Variants in PTPRC observed in about 807,000 individuals in gnomAD.
PTPRC encodes the protein receptor-type tyrosine-protein phosphatase C.
PTPRC carries 44 observed loss-of-function variants against 155.9 expected under a neutral mutation model. The observed-to-expected ratio is 0.28, with a 90% CI of 0.22 to 0.36. The LOEUF (loss-of-function observed/expected upper bound fraction) is 0.36. Among genes scored for constraint, PTPRC ranks in the 10% least tolerant of loss-of-function variants. The pLI, the probability that PTPRC is intolerant of heterozygous loss-of-function variation, is 1.00. For synonymous variants in PTPRC, 525 were observed against 533.1 expected, an observed-to-expected ratio of 0.98 and a Z score of 0.21; for missense variants, 1,401 against 1,564.6, an observed-to-expected ratio of 0.90 and a Z score of 1.76.
Position 198,654,160 on chromosome 1 carries a change from A to G in PTPRC, c.73+14819A>G, listed in dbSNP as rs546060142. 2.6e-5 allele frequency among the ~76,000 whole-genome samples: 4 copies of G among 152,054 alleles called. No homozygotes were observed. The South Asian group carries it at 6.2e-4, about 24-fold the overall frequency. On this transcript the variant is annotated intron_variant, in intron 2 of 32. Transcript: ENST00000442510. ...ATGCATTTTAAAATCCTTACAAAAAAATATTAAGAGTAACTCTAAAATGTA... is the reference window on the plus strand; with the variant it reads ...ATGCATTTTAAAATCCTTACAAAAAGATATTAAGAGTAACTCTAAAATGTA...
intron 12 of PTPRC, among the ~76,000 whole-genome samples, chr1:198,715,997 C>T (rs1433787061): frequency 6.6e-6 from 1 of 152,174 alleles, no homozygotes; most frequent in Non-Finnish European, 1.5e-5. Context: ...TCCTACCTCT[C>T]ATATGCCTCC....
At chr1:198,669,959 GAAAATTAA>G in intron 2 of PTPRC, among the ~76,000 whole-genome samples, 1 of 152,234 alleles carries the variant, frequency 6.6e-6, no homozygotes, top group Non-Finnish European at 1.5e-5. Context: ...CCTTAGTAAA[GAAAATTAA>G]TACTAATTTT....
At chr1:198,687,021 T>G (rs562974609) in intron 2 of PTPRC, among the ~76,000 whole-genome samples, 1 of 150,432 alleles carries the variant, frequency 6.6e-6, no homozygotes, top group Non-Finnish European at 1.5e-5. Context: ...TGTTGTTGTT[T>G]TTGAGTCAGG....
chr1:198,644,537 G>A (rs1019467322), intron 2 of PTPRC, among the ~76,000 whole-genome samples: 1 of 151,770 alleles, frequency 6.6e-6, no homozygotes, highest in Admixed American at 6.6e-5. Flanking sequence ...ATGTCAGTGT[G>A]CTACTTCAAT....
At chr1:198,711,961 C>T (rs752408647) in intron 11 of PTPRC, among the ~76,000 whole-genome samples, 3 of 152,150 alleles carry the variant, frequency 2.0e-5, no homozygotes, top group Non-Finnish European at 4.4e-5. Context: ...CTTAAGAATA[C>T]GGATACTACT....
At chr1:198,730,582 G>A (rs956939845) in intron 17 of PTPRC, among the ~76,000 whole-genome samples, 4 of 152,106 alleles carry the variant, frequency 2.6e-5, no homozygotes, top group African/African-American at 9.7e-5. Flanking sequence ...ATAAACACCT[G>A]AGCAGAACAG....
At chr1:198,675,344 A>T (rs1664892027) in intron 2 of PTPRC, among the ~76,000 whole-genome samples, 1 of 152,162 alleles carries the variant, frequency 6.6e-6, no homozygotes, top group Non-Finnish European at 1.5e-5. Context: ...AAAAATTCCC[A>T]AAACTTTCTC....
intron 18 of PTPRC, 150 bp from the exon 19 acceptor site, chr1:198,732,150 A>T (rs750235566): frequency 2.2e-5 from 15 of 679,582 alleles, no homozygotes; most frequent in Non-Finnish European, 3.6e-5. Flanking sequence ...ATAATTCCTG[A>T]TCTTAATTTT....
intron 31 of PTPRC, among the ~76,000 whole-genome samples, chr1:198,753,195 T>C (rs1270273196): frequency 2.6e-5 from 4 of 152,046 alleles, no homozygotes; most frequent in Non-Finnish European, 2.9e-5. Flanking sequence ...ACAAAGTTTA[T>C]TAAACATATT....
intron 2 of PTPRC, among the ~76,000 whole-genome samples, chr1:198,673,059 T>C (rs1419889603): frequency 1.3e-5 from 2 of 152,198 alleles, no homozygotes; most frequent in East Asian, 3.8e-4. Flanking sequence ...TTTTTCTTTC[T>C]GAAATGTACT....
intron 14 of PTPRC, among the ~76,000 whole-genome samples, chr1:198,718,935 T>G (rs1653739380): frequency 6.6e-6 from 1 of 152,182 alleles, no homozygotes; most frequent in Non-Finnish European, 1.5e-5. Flanking sequence ...TTAACTACTA[T>G]GTAGTTTTTA....
intron 2 of PTPRC, among the ~76,000 whole-genome samples, chr1:198,651,917 A>G (rs887001410): frequency 6.6e-6 from 1 of 151,830 alleles, no homozygotes; most frequent in Non-Finnish European, 1.5e-5. Context: ...ACACCAGGCT[A>G]TTCAGCCTCA....
intron 2 of PTPRC, among the ~76,000 whole-genome samples, chr1:198,663,034 A>G (rs1264814329): frequency 6.6e-6 from 1 of 152,176 alleles, no homozygotes; most frequent in Non-Finnish European, 1.5e-5. Flanking sequence ...GAGATTGAGC[A>G]TCTGTGTTGT....
At chr1:198,707,170 A>G (rs1454870021) in intron 9 of PTPRC, among the ~76,000 whole-genome samples, 1 of 152,142 alleles carries the variant, frequency 6.6e-6, no homozygotes, top group Non-Finnish European at 1.5e-5. Context: ...CACCACTTCT[A>G]CTTATTTAAC....
intron 26 of PTPRC, 83 bp downstream of exon 26, chr1:198,744,286 T>G (rs1655042914): frequency 6.8e-6 from 9 of 1,330,272 alleles, no homozygotes; most frequent in Non-Finnish European, 9.5e-6. Context: ...GCTATGCACT[T>G]GACATAGTGC....
chr1:198,658,050 T>C (rs777493242), intron 2 of PTPRC, among the ~76,000 whole-genome samples: 8 of 152,284 alleles, frequency 5.3e-5, no homozygotes, highest in Non-Finnish European at 1.2e-4. Context: ...ATTTCAGCCA[T>C]CCTACATGCC....
intron 2 of PTPRC, chr1:198,680,102 G>T (rs1379254651): frequency 2.4e-6 from 1 of 416,616 alleles, no homozygotes; most frequent in Non-Finnish European, 4.3e-6. Context: ...AGGCGCAGCG[G>T]CGACTCGGCA....
intron 2 of PTPRC, among the ~76,000 whole-genome samples, chr1:198,680,618 A>C (rs971581893): frequency 2.6e-5 from 4 of 152,122 alleles, no homozygotes; most frequent in Non-Finnish European, 5.9e-5. Context: ...TTTTACAAGC[A>C]GATCAATGTG....
At chr1:198,729,012 T>A (rs1157721171) in intron 16 of PTPRC, 125 bp from the exon 17 acceptor site, 2 of 1,057,786 alleles carry the variant, frequency 1.9e-6, no homozygotes, top group Non-Finnish European at 2.7e-6. Context: ...TCTCCTCTCT[T>A]CCCCTTTTCT....
Sources: gnomAD v4.1 joint callset for allele counts (sites outside exome capture counted in the v4.1 genomes callset) on GRCh38, gnomAD v4.1.1 for gene constraint, MANE v1.5 for transcripts, NCBI Gene and HGNC (gene_info 2026-07-23, HGNC 2026-07-21) for gene names.